The following RBFOX1 variants were observed in gnomAD, a reference collection of about 807,000 sequenced individuals.
The protein encoded by RBFOX1 is RNA binding protein fox-1 homolog 1.
A neutral mutation model predicts 57.7 loss-of-function variants in RBFOX1; 8 were observed. That is an observed-to-expected ratio of 0.14 (90% CI 0.08 to 0.25). The LOEUF (loss-of-function observed/expected upper bound fraction) is 0.25, where lower values mean the gene tolerates loss of function less well. RBFOX1 is among the 10% of genes least tolerant of loss of function. The pLI, the probability that RBFOX1 is intolerant of heterozygous loss-of-function variation, is 1.00. For missense variants in RBFOX1, 611 were observed against 548.5 expected, an observed-to-expected ratio of 1.11 and a Z score of -1.14; for synonymous variants, 326 against 222.4, an observed-to-expected ratio of 1.47 and a Z score of -4.15.
chr16:5,907,735 TC>T (rs2058496213), intron 4 of RBFOX1, among the ~76,000 whole-genome samples: 1 of 149,068 alleles, frequency 6.7e-6, no homozygotes, highest in Admixed American at 6.6e-5. Flanking sequence ...ATCATCATCA[TC>T]ATCATCATCA....
At chr16:6,850,202 C>G (rs1281445834) in intron 3 of RBFOX1, among the ~76,000 whole-genome samples, 1 of 152,060 alleles carries the variant, frequency 6.6e-6, no homozygotes, top group Non-Finnish European at 1.5e-5. Flanking sequence ...AGTTGTTCCT[C>G]AAATGAAGCA....
chr16:7,695,144 TGAGA>T (rs1598304602), intron 14 of RBFOX1, among the ~76,000 whole-genome samples: 3 of 152,282 alleles, frequency 2.0e-5, no homozygotes, highest in African/African-American at 7.2e-5. Context: ...CATTTCAGAT[TGAGA>T]GAGATATCCC....
rs868839820 is a variant in RBFOX1 at position 6,035,143 on chromosome 16, C to G, written c.-127+15151C>G. Among the ~76,000 whole-genome samples, 58 of 152,202 alleles carry G rather than the reference C, an allele frequency of 3.8e-4. 1 individual carries two copies. The highest frequency in any genetic ancestry group is 2.2e-3 in the Admixed American group (33 of 15,282). On this transcript the variant is annotated intron_variant, in intron 1 of 15. Coordinates refer to ENST00000550418, the MANE Select transcript of RBFOX1 (RefSeq NM_018723.4). ...ACCCCCTTCACCCATCCATGACAAC[C>G]AAAGACGTCTCCAGATTTTGCCAAA...
chr16:6,532,191 T>G (rs1048151185), intron 2 of RBFOX1, among the ~76,000 whole-genome samples: 1 of 152,274 alleles, frequency 6.6e-6, no homozygotes, highest in East Asian at 1.9e-4. Context: ...TTTAGGAAAC[T>G]CTTTATCTTC....
intron 4 of RBFOX1, among the ~76,000 whole-genome samples, chr16:7,300,127 C>G (rs531299465): frequency 6.6e-6 from 1 of 152,270 alleles, no homozygotes; most frequent in Non-Finnish European, 1.5e-5. Flanking sequence ...ATTCCCTGAT[C>G]TTGATCTTGC....
At chr16:7,635,288 C>T (rs1320576544) in intron 11 of RBFOX1, among the ~76,000 whole-genome samples, 1 of 152,240 alleles carries the variant, frequency 6.6e-6, no homozygotes, top group South Asian at 2.1e-4. Flanking sequence ...CCAGCTACCG[C>T]AGATCCTTAT....
intron 1 of RBFOX1, among the ~76,000 whole-genome samples, chr16:5,376,366 C>T (rs2065983715): frequency 6.6e-6 from 1 of 151,908 alleles, no homozygotes; most frequent in Admixed American, 6.6e-5. Context: ...GACAGGAGCT[C>T]AGGTGAGGGG....
intron 1 of RBFOX1, among the ~76,000 whole-genome samples, chr16:6,050,029 G>A (rs1361679110): frequency 1.3e-5 from 2 of 149,404 alleles, no homozygotes; most frequent in Admixed American, 6.8e-5. Context: ...GATCTCAAAG[G>A]CTCACTGCAG....
chr16:5,720,765 T>A (rs901701909), intron 3 of RBFOX1, among the ~76,000 whole-genome samples: 1 of 152,258 alleles, frequency 6.6e-6, no homozygotes, highest in Non-Finnish European at 1.5e-5. Flanking sequence ...TTATGGACTC[T>A]CAGTTCTAGT....
At chr16:5,678,859 C>G (rs1300687649) in intron 3 of RBFOX1, among the ~76,000 whole-genome samples, 2 of 152,172 alleles carry the variant, frequency 1.3e-5, no homozygotes, top group Non-Finnish European at 2.9e-5. Flanking sequence ...TCTTCTCATT[C>G]TTATTTGTAG....
chr16:5,739,667 C>G (rs760926050), intron 3 of RBFOX1, among the ~76,000 whole-genome samples: 1 of 152,304 alleles, frequency 6.6e-6, no homozygotes, highest in East Asian at 1.9e-4. Flanking sequence ...ATTTTCTGTG[C>G]ACCCTAAGCT....
chr16:5,276,827 C>T (rs956293247), intron 1 of RBFOX1, among the ~76,000 whole-genome samples: 2 of 152,108 alleles, frequency 1.3e-5, no homozygotes, highest in African/African-American at 2.4e-5. Flanking sequence ...AAAGAGAACG[C>T]TTTTACACTG....
At chr16:7,361,656 G>C (rs1025451513) in intron 4 of RBFOX1, among the ~76,000 whole-genome samples, 4 of 152,234 alleles carry the variant, frequency 2.6e-5, no homozygotes, top group Non-Finnish European at 5.9e-5. Context: ...AGCAGGGAAG[G>C]ATGCTTGGAT....
intron 2 of RBFOX1, among the ~76,000 whole-genome samples, chr16:6,595,539 G>C (rs540750012): frequency 1.3e-5 from 2 of 152,228 alleles, no homozygotes; most frequent in African/African-American, 4.8e-5. Flanking sequence ...AAGTTTTTCT[G>C]TGTACTTACG....
At chr16:6,025,527 G>A (rs1177327906) in intron 1 of RBFOX1, among the ~76,000 whole-genome samples, 2 of 152,128 alleles carry the variant, frequency 1.3e-5, no homozygotes, top group African/African-American at 2.4e-5. Flanking sequence ...ATGAGCAGCC[G>A]CACCCTCCCA....
At chr16:6,269,680 T>C (rs991319190) in intron 1 of RBFOX1, among the ~76,000 whole-genome samples, 1 of 152,084 alleles carries the variant, frequency 6.6e-6, no homozygotes, top group Non-Finnish European at 1.5e-5. Context: ...CATTTTCAGA[T>C]GAAGAAAAAC....
At chr16:7,202,342 G>C (rs936771744) in intron 4 of RBFOX1, among the ~76,000 whole-genome samples, 1 of 151,208 alleles carries the variant, frequency 6.6e-6, no homozygotes, top group African/African-American at 2.4e-5. Context: ...TGTTGATAAG[G>C]ATGTGGAAAA....
At chr16:6,888,478 G>T (rs1314136814) in intron 3 of RBFOX1, among the ~76,000 whole-genome samples, 1 of 151,432 alleles carries the variant, frequency 6.6e-6, no homozygotes, top group South Asian at 2.1e-4. Flanking sequence ...TTTCGGTTCA[G>T]GGGGAAATTA....
intron 14 of RBFOX1, among the ~76,000 whole-genome samples, chr16:7,700,911 G>A (rs894275344): frequency 2.6e-5 from 4 of 152,148 alleles, no homozygotes; most frequent in African/African-American, 9.7e-5. Flanking sequence ...TAAATGGTCT[G>A]AGTCTTTTAG....
Sources: gnomAD v4.1 joint callset for allele counts (sites outside exome capture counted in the v4.1 genomes callset) on GRCh38, gnomAD v4.1.1 for gene constraint, MANE v1.5 for transcripts, NCBI Gene and HGNC (gene_info 2026-07-23, HGNC 2026-07-21) for gene names.